Variants in CLNS1A observed in about 807,000 individuals in gnomAD.
The protein encoded by CLNS1A is methylosome subunit pICln.
A neutral mutation model predicts 29.4 loss-of-function variants in CLNS1A; 16 were observed. The ratio of observed to expected loss-of-function variants is 0.54; its 90% CI spans 0.37 to 0.83. The LOEUF is 0.83. Ranked by LOEUF, CLNS1A falls within the 40% of genes least tolerant of loss-of-function variation. CLNS1A has a pLI of 0.00. For synonymous variants in CLNS1A, 96 were observed against 104.8 expected, an observed-to-expected ratio of 0.92 and a Z score of 0.51; for missense variants, 235 against 287.4, an observed-to-expected ratio of 0.82 and a Z score of 1.32.
In CLNS1A at chr11:77,619,594, T is replaced by A; in HGVS notation, c.*22+12A>T. The stretch of plus-strand genomic sequence containing the variant: ...TCATGATCAGCGACAAGGGAGAAAA[T>A]GAACTACTCACCTTAAACTTGCATA... On this transcript the variant is annotated intron_variant, in intron 6 of 6. Coordinates refer to ENST00000525428, the MANE Select transcript of CLNS1A (RefSeq NM_001293.3). The A allele has an allele frequency of 2.0e-6, 3 of 1,487,534 alleles. No homozygotes were observed. Among genetic ancestry groups the A allele is most frequent in the Non-Finnish European group, 2.8e-6 (3 of 1,064,722 alleles). 92.1% of individuals were successfully genotyped at this position (1,487,534 alleles called of 1,614,324 possible).
chr11:77,623,452 G>A (rs1958983934), intron 4 of CLNS1A, among the ~76,000 whole-genome samples: 1 of 151,766 alleles, frequency 6.6e-6, no homozygotes, highest in Non-Finnish European at 1.5e-5. Flanking sequence ...TTAATTAGCC[G>A]GGCACGTGGT....
intron 6 of CLNS1A, chr11:77,619,358 T>C (rs1226112738): frequency 2.5e-6 from 1 of 399,226 alleles, no homozygotes; most frequent in African/African-American, 2.1e-5. Context: ...ATGTGAGACC[T>C]TGTCTCTACG....
At chr11:77,633,001 T>A (rs1629210) in intron 1 of CLNS1A, among the ~76,000 whole-genome samples, 2 of 147,058 alleles carry the variant, frequency 1.4e-5, no homozygotes, top group South Asian at 2.1e-4. Flanking sequence ...GCAGGAGAAT[T>A]GGTTGAATCC....
intron 4 of CLNS1A, among the ~76,000 whole-genome samples, chr11:77,624,664 A>G: frequency 6.6e-6 from 1 of 152,016 alleles, no homozygotes. Flanking sequence ...TACTAAAAAT[A>G]CAAAATTAGC....
intron 3 of CLNS1A, 122 bp downstream of exon 3, chr11:77,625,595 G>A (rs1172484775): frequency 7.7e-6 from 6 of 775,036 alleles, no homozygotes; most frequent in African/African-American, 7.0e-5. Flanking sequence ...TAAAGAAAAA[G>A]CAATAGAATG....
chr11:77,627,609 A>G (rs1959033614), intron 2 of CLNS1A, among the ~76,000 whole-genome samples: 1 of 152,184 alleles, frequency 6.6e-6, no homozygotes, highest in Admixed American at 6.5e-5. Context: ...TATAGAGCAC[A>G]TATTTAAAAC....
chr11:77,635,439 C>T (rs111248527), intron 1 of CLNS1A, among the ~76,000 whole-genome samples: 1 of 151,712 alleles, frequency 6.6e-6, no homozygotes, highest in Non-Finnish European at 1.5e-5. Flanking sequence ...ACAACCTCCG[C>T]CTCTCGGGTT....
intron 2 of CLNS1A, among the ~76,000 whole-genome samples, chr11:77,627,286 A>C (rs1565127494): frequency 6.6e-6 from 1 of 151,408 alleles, no homozygotes; most frequent in African/African-American, 2.4e-5. Flanking sequence ...CAAAAAAAAA[A>C]AAATTAGCGG....
intron 2 of CLNS1A, among the ~76,000 whole-genome samples, chr11:77,626,574 G>A (rs894178770): frequency 1.3e-5 from 2 of 152,098 alleles, no homozygotes; most frequent in African/African-American, 4.8e-5. Context: ...GGGAGGTGGA[G>A]GTTGCAGTGA....
intron 4 of CLNS1A, among the ~76,000 whole-genome samples, chr11:77,623,493 C>T (rs1958984922): frequency 6.6e-6 from 1 of 151,396 alleles, no homozygotes; most frequent in African/African-American, 2.4e-5. Flanking sequence ...AATCGGGAGA[C>T]TGGGGTGGGA....
intron 6 of CLNS1A, chr11:77,618,721 A>T (rs1242074302): frequency 6.6e-6 from 1 of 152,230 alleles, no homozygotes; most frequent in Non-Finnish European, 1.5e-5. Flanking sequence ...AAAGGAATTA[A>T]AACTTGTAAC....
In CLNS1A at chr11:77,627,663, C is replaced by T. The variant is rs1317136745; in HGVS notation, c.263-1845G>A. 4.6e-5 allele frequency among the ~76,000 whole-genome samples: 7 copies of T among 152,208 alleles called. No individual in the cohort carries two copies. In the South Asian group the frequency reaches 1.2e-3, roughly 27 times the overall value. Reference sequence around the variant, plus strand: ...TGAACTGCTTTTTCCTAGTTTAGGACTCAGAGCATTTGCATTTTAAACAAG... The same window carrying T: ...TGAACTGCTTTTTCCTAGTTTAGGATTCAGAGCATTTGCATTTTAAACAAG... On this transcript the variant is annotated intron_variant, in intron 2 of 6. Coordinates refer to ENST00000525428, the MANE Select transcript of CLNS1A (RefSeq NM_001293.3).
In CLNS1A at chr11:77,615,862, A is replaced by T. The variant is rs1958901910; in HGVS notation, c.*856T>A. ...AGTCCAAGTATAAATCAGTAATTAC[A>T]AATCAGCCTTATAATACCCAGGTAT... On this transcript the variant is annotated 3_prime_UTR_variant, in exon 7 of 7. Coordinates refer to ENST00000525428, the MANE Select transcript of CLNS1A (RefSeq NM_001293.3). 1 of 152,204 alleles carries T rather than the reference A, an allele frequency of 6.6e-6. No individual in the cohort carries two copies. The highest frequency in any genetic ancestry group is 6.5e-5 in the Admixed American group (1 of 15,270). The allele number at this position is 152,204 out of a possible 1,614,324, so 9.4% of individuals were successfully genotyped here.
chr11:77,616,089 G>A lies in CLNS1A; in HGVS notation c.*629C>T, dbSNP rs1410861377. On this transcript the variant is annotated 3_prime_UTR_variant, in exon 7 of 7. Coordinates refer to ENST00000525428, the MANE Select transcript of CLNS1A (RefSeq NM_001293.3). ...TAAAGCCAACAAAATTCTCATATTT[G>A]CCAGCATTATTTTTTAAAAAACATT... 2 of 147,092 alleles carry A rather than the reference G, an allele frequency of 1.4e-5. No homozygotes were observed. Among genetic ancestry groups the A allele is most frequent in the African/African-American group, 5.2e-5 (2 of 38,492 alleles). 9.1% of individuals were successfully genotyped at this position (147,092 alleles called of 1,614,324 possible).
chr11:77,629,285 T>A (rs567067607), intron 2 of CLNS1A, among the ~76,000 whole-genome samples: 1 of 152,350 alleles, frequency 6.6e-6, no homozygotes, highest in Non-Finnish European at 1.5e-5. Context: ...ACATCCATTG[T>A]GAAAACTTCA....
At chr11:77,621,018 C>A (rs550723582) in intron 5 of CLNS1A, among the ~76,000 whole-genome samples, 2 of 151,362 alleles carry the variant, frequency 1.3e-5, no homozygotes, top group African/African-American at 4.9e-5. Context: ...GAATCATGGC[C>A]GGGTGCAGTG....
At chr11:77,621,978 G>T (rs1177896152) in intron 5 of CLNS1A, 2 of 456,106 alleles carry the variant, frequency 4.4e-6, no homozygotes, top group Non-Finnish European at 8.8e-6. Context: ...TTTTGGACTT[G>T]CCAGCCTTCA....
chr11:77,636,456 CAT>C (rs1590806392), intron 1 of CLNS1A, among the ~76,000 whole-genome samples: 2 of 152,172 alleles, frequency 1.3e-5, no homozygotes, highest in East Asian at 3.8e-4. Context: ...TCCTCCCATC[CAT>C]ATGTCCTATC....
At chr11:77,632,779 T>A (rs546315156) in intron 1 of CLNS1A, among the ~76,000 whole-genome samples, 2 of 152,102 alleles carry the variant, frequency 1.3e-5, no homozygotes, top group Non-Finnish European at 2.9e-5. Context: ...CATGTTACTA[T>A]GTTAAAAAAG....
Sources: gnomAD v4.1 joint callset for allele counts (sites outside exome capture counted in the v4.1 genomes callset) on GRCh38, gnomAD v4.1.1 for gene constraint, MANE v1.5 for transcripts, NCBI Gene and HGNC (gene_info 2026-07-23, HGNC 2026-07-21) for gene names.